The following PXDNL variants were observed in gnomAD, a reference collection of about 807,000 sequenced individuals.
PXDNL encodes the protein peroxidasin like.
A neutral mutation model predicts 150.8 loss-of-function variants in PXDNL; 145 were observed. The ratio of observed to expected loss-of-function variants is 0.96; its 90% CI spans 0.84 to 1.10. The LOEUF (loss-of-function observed/expected upper bound fraction) is 1.10. Among genes scored for constraint, PXDNL ranks in the 50% least tolerant of loss-of-function variants. The probability of loss-of-function intolerance (pLI) is 0.00; values close to 1 mark genes in which losing one functional copy is unlikely to be tolerated. For synonymous variants in PXDNL, 757 were observed against 725.7 expected (o/e 1.04, Z -0.69); for missense variants, 2,087 against 1,873.9 (o/e 1.11, Z -2.10).
intron 2 of PXDNL, among the ~76,000 whole-genome samples, chr8:51,608,435 G>A (rs1287345504): frequency 6.8e-6 from 1 of 147,400 alleles, no homozygotes; most frequent in African/African-American, 2.6e-5. Context: ...AAAGAAAGGG[G>A]CCCAAAGTCA....
chr8:51,436,742 A>G (rs1022449022), intron 12 of PXDNL, among the ~76,000 whole-genome samples: 1 of 152,196 alleles, frequency 6.6e-6, no homozygotes, highest in Non-Finnish European at 1.5e-5. Flanking sequence ...TTAAATGCCT[A>G]CACCATGAAG....
chr8:51,598,886 AG>A (rs1813631475), intron 2 of PXDNL, among the ~76,000 whole-genome samples: 1 of 145,988 alleles, frequency 6.8e-6, no homozygotes, highest in Non-Finnish European at 1.5e-5. Flanking sequence ...TTTGGTTGAC[AG>A]GTTTTTATTA....
chr8:51,797,268 C>T (rs551699302), intron 1 of PXDNL, among the ~76,000 whole-genome samples: 167 of 152,270 alleles, frequency 1.1e-3, no homozygotes, highest in Non-Finnish European at 1.7e-3. Flanking sequence ...TGGCACAAGA[C>T]GAGGATGTCC....
chr8:51,604,046 C>T (rs953224347), intron 2 of PXDNL, among the ~76,000 whole-genome samples: 3 of 152,056 alleles, frequency 2.0e-5, no homozygotes, highest in Non-Finnish European at 4.4e-5. Flanking sequence ...TTTAAGAAAC[C>T]TTCCTCCAAA....
chr8:51,487,205 A>G (rs1810786360), intron 5 of PXDNL, among the ~76,000 whole-genome samples: 1 of 152,154 alleles, frequency 6.6e-6, no homozygotes, highest in Non-Finnish European at 1.5e-5. Flanking sequence ...GAGTTTATAC[A>G]AAGACTTGTC....
chr8:51,400,623 C>T (rs994162341), intron 17 of PXDNL, among the ~76,000 whole-genome samples: 1 of 152,094 alleles, frequency 6.6e-6, no homozygotes, highest in Non-Finnish European at 1.5e-5. Flanking sequence ...TTAATATGGC[C>T]TTGTCACTTT....
At chr8:51,700,165 G>GCA (rs1375935904) in intron 1 of PXDNL, among the ~76,000 whole-genome samples, 1 of 40,028 alleles carries the variant, frequency 2.5e-5, no homozygotes, top group Non-Finnish European at 5.0e-5. Context: ...AGGTATGCCT[G>GCA]CATACACACA....
Position 51,426,641 on chromosome 8 carries a change from C to A in PXDNL, c.1638+5G>T. ...ATATTACTGTACTTTTAGTTGAGAT[C>A]TTACCTTATTCCAAGTAATTATGGG... On this transcript the variant is annotated splice_donor_5th_base_variant and intron_variant, in intron 13 of 22. Transcript: ENST00000356297. The A allele has an allele frequency of 1.3e-6, 2 of 1,506,762 alleles. No homozygotes were observed. Among genetic ancestry groups the A allele is most frequent in the Non-Finnish European group, 1.8e-6 (2 of 1,088,372 alleles). 93.3% of individuals were successfully genotyped at this position (1,506,762 alleles called of 1,614,324 possible).
rs571980430 is a variant in PXDNL at position 51,444,521 on chromosome 8, A to G, written c.1525+2483T>C. On this transcript the variant is annotated intron_variant, in intron 12 of 22. Transcript: ENST00000356297. ...AATAGTATCTGATTCTTCATAGTAA[A>G]AAAATCACCTAATACCCGAAGGAAA... Among the ~76,000 whole-genome samples the G allele has an allele frequency of 7.9e-5, 12 of 152,328 alleles. No homozygotes were observed. The South Asian group carries it at 2.3e-3, about 29-fold the overall frequency.
intron 12 of PXDNL, among the ~76,000 whole-genome samples, chr8:51,440,411 C>A (rs1809513453): frequency 6.6e-6 from 1 of 150,806 alleles, no homozygotes; most frequent in Non-Finnish European, 1.5e-5. Flanking sequence ...ACCACCTATT[C>A]CCCCAAAACC....
chr8:51,379,257 T>C (rs969404136), intron 17 of PXDNL, among the ~76,000 whole-genome samples: 1 of 152,176 alleles, frequency 6.6e-6, no homozygotes, highest in Non-Finnish European at 1.5e-5. Flanking sequence ...TCATGTTATT[T>C]TGTGTTCTCT....
At chr8:51,352,158 A>T (rs1227705402) in intron 19 of PXDNL, among the ~76,000 whole-genome samples, 1 of 150,828 alleles carries the variant, frequency 6.6e-6, no homozygotes, top group Non-Finnish European at 1.5e-5. Context: ...TTCCCACCAT[A>T]AAAAAAAATG....
At chr8:51,798,817 C>A (rs1188495173) in intron 1 of PXDNL, among the ~76,000 whole-genome samples, 1 of 152,178 alleles carries the variant, frequency 6.6e-6, no homozygotes, top group Non-Finnish European at 1.5e-5. Flanking sequence ...TTTGACCCAG[C>A]AATCCCATTA....
chr8:51,335,366 C>T (rs573036173), intron 21 of PXDNL, among the ~76,000 whole-genome samples: 6 of 152,072 alleles, frequency 3.9e-5, no homozygotes, highest in South Asian at 4.1e-4. Context: ...TGGAAGGAGA[C>T]GCCGATACTA....
At chr8:51,579,911 C>T (rs796678104) in intron 3 of PXDNL, among the ~76,000 whole-genome samples, 20 of 151,830 alleles carry the variant, frequency 1.3e-4, no homozygotes, top group African/African-American at 3.4e-4. Flanking sequence ...TTCCAGTTGA[C>T]GAGTTAATGG....
chr8:51,605,378 A>G (rs1317238721), intron 2 of PXDNL, among the ~76,000 whole-genome samples: 4 of 152,046 alleles, frequency 2.6e-5, no homozygotes, highest in Admixed American at 6.6e-5. Flanking sequence ...CGATATGACT[A>G]TTTGTTGCCA....
At chr8:51,411,617 A>T (rs778699641) in intron 15 of PXDNL, among the ~76,000 whole-genome samples, 3 of 152,226 alleles carry the variant, frequency 2.0e-5, no homozygotes, top group Non-Finnish European at 4.4e-5. Context: ...TGCTGAACTC[A>T]AAAATATATA....
intron 2 of PXDNL, among the ~76,000 whole-genome samples, chr8:51,637,673 C>T (rs1245926899): frequency 6.6e-6 from 1 of 152,156 alleles, no homozygotes; most frequent in Non-Finnish European, 1.5e-5. Flanking sequence ...AAGAAATGAA[C>T]AAAGCCTCCA....
At chr8:51,501,974 T>C (rs1232724297) in intron 4 of PXDNL, among the ~76,000 whole-genome samples, 1 of 152,230 alleles carries the variant, frequency 6.6e-6, no homozygotes, top group Non-Finnish European at 1.5e-5. Flanking sequence ...CCAATCTCTG[T>C]GTATACTGGA....
Sources: gnomAD v4.1 joint callset for allele counts (sites outside exome capture counted in the v4.1 genomes callset) on GRCh38, gnomAD v4.1.1 for gene constraint, MANE v1.5 for transcripts, NCBI Gene and HGNC (gene_info 2026-07-23, HGNC 2026-07-21) for gene names.